CAND1: variants seen among roughly 807,000 people sequenced by gnomAD.
CAND1 encodes the protein cullin-associated NEDD8-dissociated protein 1.
Under a neutral mutation model 108.5 loss-of-function variants are expected in CAND1, and 7 were observed. That is an observed-to-expected ratio of 0.06 (90% confidence interval 0.04 to 0.12). The LOEUF is 0.12. CAND1 is among the 10% of genes least tolerant of loss of function. The pLI is 1.00. For missense variants in CAND1, 941 were observed against 1,448.7 expected, an observed-to-expected ratio of 0.65 and a Z score of 5.69; for synonymous variants, 534 against 512.0, an observed-to-expected ratio of 1.04 and a Z score of -0.58.
chr12:67,316,650 C>A lies in CAND1; in HGVS notation c.*3820C>A, dbSNP rs1415639690. On this transcript the variant is annotated 3_prime_UTR_variant, in exon 15 of 15. Coordinates refer to ENST00000545606, the MANE Select transcript of CAND1 (RefSeq NM_018448.5). ...CTAATTTTGTTTTGGAATCTTAATACCCTGTCCTCTTCATAACTTTCTAGT... is the reference window on the plus strand; with the variant it reads ...CTAATTTTGTTTTGGAATCTTAATAACCTGTCCTCTTCATAACTTTCTAGT... The A allele has an allele frequency of 6.6e-6, 1 of 152,122 alleles. No individual in the cohort carries two copies. Among genetic ancestry groups the A allele is most frequent in the Non-Finnish European group, 1.5e-5 (1 of 68,020 alleles). The allele number at this position is 152,122 out of a possible 1,614,324, so 9.4% of individuals were successfully genotyped here. A position where few individuals can be genotyped will look rare whatever the true frequency, so the allele number is the denominator to read the frequency against.
chr12:67,300,492 C>G (rs1436767151), intron 7 of CAND1, among the ~76,000 whole-genome samples: 1 of 152,114 alleles, frequency 6.6e-6, no homozygotes, highest in African/African-American at 2.4e-5. Flanking sequence ...TCTTCTTTAG[C>G]CTTTTCCATC....
At chr12:67,275,989 A>G (rs1289672917) in intron 1 of CAND1, among the ~76,000 whole-genome samples, 1 of 152,158 alleles carries the variant, frequency 6.6e-6, no homozygotes, top group African/African-American at 2.4e-5. Context: ...CTGTTAAATT[A>G]CCATCCACTG....
intron 13 of CAND1, 149 bp downstream of exon 13, chr12:67,310,465 G>A (rs2044937289): frequency 3.5e-6 from 2 of 565,898 alleles, no homozygotes; most frequent in Admixed American, 6.5e-5. Flanking sequence ...AAGTGCAAAA[G>A]TAATAGGCAG....
intron 10 of CAND1, among the ~76,000 whole-genome samples, chr12:67,306,994 T>A (rs1477710490): frequency 6.6e-6 from 1 of 152,172 alleles, no homozygotes; most frequent in African/African-American, 2.4e-5. Context: ...GATTTACCAG[T>A]GTCATCCCCA....
Position 67,304,597 on chromosome 12 carries a change from A to G in CAND1, c.1294-8A>G. ...CTGAACCAGCTAATGACTATATGAT[A>G]ATTGCAGGTTCCCAACATTGTTAAA... is the stretch of plus-strand genomic sequence containing the variant. On this transcript the variant is annotated splice_region_variant and splice_polypyrimidine_tract_variant and intron_variant, in intron 8 of 14. Coordinates refer to ENST00000545606, the MANE Select transcript of CAND1 (RefSeq NM_018448.5). 2 of 1,613,124 alleles carry G rather than the reference A, an allele frequency of 1.2e-6. No individual in the cohort carries two copies. Among genetic ancestry groups the G allele is most frequent in the Non-Finnish European group, 1.7e-6 (2 of 1,179,674 alleles).
At chr12:67,270,680 G>C (rs2044512491) in intron 1 of CAND1, 1 of 150,732 alleles carries the variant, frequency 6.6e-6, no homozygotes, top group East Asian at 1.9e-4. Flanking sequence ...ATTTTTACAG[G>C]TTATCTTTGT....
intron 4 of CAND1, among the ~76,000 whole-genome samples, chr12:67,295,979 T>C (rs1464403353): frequency 6.6e-6 from 1 of 152,182 alleles, no homozygotes; most frequent in Admixed American, 6.5e-5. Context: ...TGAATTGGGT[T>C]TTGAAGAATG....
rs2044832280 is a variant in CAND1 at position 67,302,266 on chromosome 12, T to C, written c.1001-57T>C. ...AAGAATATCAATTGATTTTCTGTTT[T>C]AAATGATATACTTCTCTTGTCATTA... On this transcript the variant is annotated intron_variant, in intron 7 of 14. Transcript: ENST00000545606. The C allele has an allele frequency of 5.5e-6, 8 of 1,458,786 alleles. No individual in the cohort carries two copies. The East Asian group carries it at 1.6e-4, about 29-fold the overall frequency. The allele number at this position is 1,458,786 out of a possible 1,614,324, so 90.4% of individuals were successfully genotyped here.
chr12:67,290,222 C>G (rs1197680808), intron 2 of CAND1, among the ~76,000 whole-genome samples: 1 of 152,128 alleles, frequency 6.6e-6, no homozygotes, highest in East Asian at 1.9e-4. Flanking sequence ...CATGAAAGCT[C>G]AGTACCAGCC....
chr12:67,312,348 A>G (rs1242084879), intron 14 of CAND1, among the ~76,000 whole-genome samples: 3 of 152,002 alleles, frequency 2.0e-5, no homozygotes, highest in Admixed American at 1.3e-4. Flanking sequence ...TGAAACAAAG[A>G]GTGTCCTACT....
chr12:67,273,309 A>G (rs749629910), intron 1 of CAND1, among the ~76,000 whole-genome samples: 8 of 152,130 alleles, frequency 5.3e-5, no homozygotes, highest in Non-Finnish European at 2.9e-5. Flanking sequence ...AAGGACCTCT[A>G]GGGATGCATG....
intron 1 of CAND1, among the ~76,000 whole-genome samples, chr12:67,279,500 T>C (rs2044600706): frequency 6.6e-6 from 1 of 152,230 alleles, no homozygotes; most frequent in African/African-American, 2.4e-5. Flanking sequence ...AGGGTCACCA[T>C]TTAAAAGCAA....
intron 1 of CAND1, among the ~76,000 whole-genome samples, chr12:67,271,363 G>A (rs1175320981): frequency 6.6e-6 from 1 of 152,118 alleles, no homozygotes; most frequent in Non-Finnish European, 1.5e-5. Context: ...CCTCCCCATT[G>A]CTGTCAGTTT....
intron 1 of CAND1, among the ~76,000 whole-genome samples, chr12:67,280,726 T>C (rs2044611763): frequency 6.6e-6 from 1 of 152,230 alleles, no homozygotes; most frequent in Non-Finnish European, 1.5e-5. Flanking sequence ...GAAGAAAATC[T>C]GAGATGCCGT....
chr12:67,271,639 C>A (rs1053332932), intron 1 of CAND1, among the ~76,000 whole-genome samples: 1 of 152,092 alleles, frequency 6.6e-6, no homozygotes, highest in Non-Finnish European at 1.5e-5. Flanking sequence ...TGCTCTGATA[C>A]TAAATGACAG....
chr12:67,307,164 C>T (rs1350150523), intron 10 of CAND1, among the ~76,000 whole-genome samples: 1 of 152,026 alleles, frequency 6.6e-6, no homozygotes, highest in African/African-American at 2.4e-5. Context: ...GCTTCAAGTC[C>T]CTCCTTCCCA....
At chr12:67,273,483 T>TC (rs1164409775) in intron 1 of CAND1, among the ~76,000 whole-genome samples, 22 of 149,884 alleles carry the variant, frequency 1.5e-4, no homozygotes, top group South Asian at 4.2e-4. Context: ...TCTTTTCTTT[T>TC]TTTTTTTTTT....
In CAND1 at chr12:67,317,074, G is replaced by A. The variant is rs2045014008; in HGVS notation, c.*4244G>A. Reference sequence around the variant, plus strand: ...GAATAAGGATTACATATAATGAGAAGACGTGTGGGCTGAAATACCTAGTGA... The same window carrying A: ...GAATAAGGATTACATATAATGAGAAAACGTGTGGGCTGAAATACCTAGTGA... On this transcript the variant is annotated 3_prime_UTR_variant, in exon 15 of 15. Coordinates refer to ENST00000545606, the MANE Select transcript of CAND1 (RefSeq NM_018448.5). 6.6e-6 allele frequency: 1 copy of A among 152,192 alleles called. No individual in the cohort carries two copies. Among genetic ancestry groups the A allele is most frequent in the African/African-American group, 2.4e-5 (1 of 41,442 alleles). 9.4% of individuals were successfully genotyped at this position (152,192 alleles called of 1,614,324 possible).
intron 10 of CAND1, 123 bp from the exon 11 acceptor site, chr12:67,307,274 T>G: frequency 1.4e-6 from 1 of 693,034 alleles, no homozygotes; most frequent in Non-Finnish European, 2.6e-6. Context: ...AGAAATACCC[T>G]TCTTGGCCAA....
Sources: allele counts gnomAD v4.1 joint callset (sites outside exome capture counted in the v4.1 genomes callset), GRCh38; gene constraint gnomAD v4.1.1; transcripts MANE v1.5; gene names NCBI Gene and HGNC (gene_info 2026-07-23, HGNC 2026-07-21).